Variants in CHRM2 observed in about 807,000 individuals in gnomAD.
CHRM2 encodes cholinergic receptor muscarinic 2.
CHRM2 carries 8 observed loss-of-function variants against 25.0 expected under a neutral mutation model. That is an observed-to-expected ratio of 0.32 (90% confidence interval 0.19 to 0.58). The LOEUF is 0.58. CHRM2 is among the 20% of genes least tolerant of loss of function. CHRM2 has a pLI of 0.88. For synonymous variants in CHRM2, 202 were observed against 205.7 expected, an observed-to-expected ratio of 0.98 and a Z score of 0.15; for missense variants, 440 against 567.1, an observed-to-expected ratio of 0.78 and a Z score of 2.28.
At chr7:137,007,882 TTCTC>T (rs888523788) in intron 3 of CHRM2, among the ~76,000 whole-genome samples, 1 of 152,142 alleles carries the variant, frequency 6.6e-6, no homozygotes, top group African/African-American at 2.4e-5. Context: ...CTCTCCACAA[TTCTC>T]TCTTTTTCTT....
intron 2 of CHRM2, among the ~76,000 whole-genome samples, chr7:136,959,536 G>A (rs1488051421): frequency 6.6e-6 from 1 of 152,248 alleles, no homozygotes; most frequent in Non-Finnish European, 1.5e-5. Context: ...GTGCTTGAAT[G>A]TGAAGACAGA....
intron 2 of CHRM2, among the ~76,000 whole-genome samples, chr7:136,934,787 A>G (rs1425315905): frequency 6.6e-6 from 1 of 151,992 alleles, no homozygotes; most frequent in Non-Finnish European, 1.5e-5. Context: ...ATAATAGAAG[A>G]GTTCTGTAAG....
At chr7:136,873,040 C>T (rs1795901188) in intron 2 of CHRM2, among the ~76,000 whole-genome samples, 1 of 152,190 alleles carries the variant, frequency 6.6e-6, no homozygotes, top group South Asian at 2.1e-4. Flanking sequence ...AATTGGTTTT[C>T]TTTATTTAAA....
In CHRM2 at chr7:137,020,047, T is replaced by C. The variant is rs1194962972; in HGVS notation, c.*3781T>C. On this transcript the variant is annotated 3_prime_UTR_variant, in exon 4 of 4. Coordinates refer to ENST00000680005, the MANE Select transcript of CHRM2 (RefSeq NM_001006630.2). ...CTGGATGAAATTGTGCAAAGTGTAT[T>C]CTCAGCATGTATATTCAATACCATG... 6.6e-6 allele frequency: 1 copy of C among 151,846 alleles called. No individual in the cohort carries two copies. The allele number at this position is 151,846 out of a possible 1,614,324, so 9.4% of individuals were successfully genotyped here.
chr7:136,947,866 C>A lies in CHRM2; in HGVS notation c.-124-44321C>A, dbSNP rs530145916. Among the ~76,000 whole-genome samples, 106 of 152,074 alleles carry A rather than the reference C, an allele frequency of 7.0e-4. 3 individuals are homozygous for A. Among genetic ancestry groups the A allele is most frequent in the Admixed American group, 6.9e-3 (106 of 15,254 alleles). ...TAGTTGGCAAGGATGGGTAACTAGG[C>A]CTTTCTGTCTTAATAGCCTCAATTC... On this transcript the variant is annotated intron_variant, in intron 2 of 3. Coordinates refer to ENST00000680005, the MANE Select transcript of CHRM2 (RefSeq NM_001006630.2).
intron 2 of CHRM2, among the ~76,000 whole-genome samples, chr7:136,884,445 T>C (rs562685432): frequency 6.6e-6 from 1 of 152,286 alleles, no homozygotes; most frequent in African/African-American, 2.4e-5. Context: ...TAACCATAAA[T>C]GTAATCAGCT....
intron 2 of CHRM2, among the ~76,000 whole-genome samples, chr7:136,969,710 A>T (rs768313319): frequency 3.9e-5 from 6 of 152,140 alleles, no homozygotes; most frequent in Admixed American, 2.0e-4. Context: ...CTCATTTTTC[A>T]TAGGTTAACA....
intron 2 of CHRM2, among the ~76,000 whole-genome samples, chr7:136,900,415 T>A (rs976030573): frequency 2.0e-5 from 3 of 152,082 alleles, no homozygotes; most frequent in African/African-American, 4.8e-5. Flanking sequence ...AGCAGGAGGC[T>A]GCGTTGAAAA....
intron 2 of CHRM2, chr7:136,870,426 T>C (rs1795776838): frequency 6.6e-6 from 1 of 152,440 alleles, no homozygotes; most frequent in Non-Finnish European, 1.5e-5. Context: ...TAGAGACTCA[T>C]CTGGGAGAGG....
intron 2 of CHRM2, among the ~76,000 whole-genome samples, chr7:136,947,137 T>C (rs1450601545): frequency 1.3e-5 from 2 of 152,200 alleles, no homozygotes. Context: ...TAAGGAAAGA[T>C]TTGGAAGGTC....
At chr7:136,884,597 T>C (rs556039946) in intron 2 of CHRM2, among the ~76,000 whole-genome samples, 6 of 152,034 alleles carry the variant, frequency 3.9e-5, no homozygotes, top group Admixed American at 6.6e-5. Context: ...ACACTGAGCA[T>C]TTCATAGTCC....
At chr7:136,951,661 G>A (rs184418535) in intron 2 of CHRM2, among the ~76,000 whole-genome samples, 97 of 152,206 alleles carry the variant, frequency 6.4e-4, no homozygotes, top group African/African-American at 2.3e-3. Flanking sequence ...TGGGATCTGG[G>A]ATAGAAGAAA....
chr7:136,905,567 C>T (rs1430014201), intron 2 of CHRM2, among the ~76,000 whole-genome samples: 2 of 151,752 alleles, frequency 1.3e-5, no homozygotes, highest in East Asian at 3.9e-4. Context: ...TGGCTGCTTC[C>T]TATTTCTTCT....
At chr7:136,894,474 C>A (rs1208355604) in intron 2 of CHRM2, among the ~76,000 whole-genome samples, 2 of 152,056 alleles carry the variant, frequency 1.3e-5, no homozygotes, top group Non-Finnish European at 2.9e-5. Flanking sequence ...CAGGTTCAAG[C>A]AATTCTCCTG....
At chr7:136,964,165 C>T (rs1801268407) in intron 2 of CHRM2, among the ~76,000 whole-genome samples, 1 of 151,876 alleles carries the variant, frequency 6.6e-6, no homozygotes, top group Non-Finnish European at 1.5e-5. Flanking sequence ...AGAAAATTTT[C>T]ATTAGAATAT....
chr7:137,009,199 T>C (rs1041476160), intron 3 of CHRM2, among the ~76,000 whole-genome samples: 2 of 152,122 alleles, frequency 1.3e-5, no homozygotes, highest in Non-Finnish European at 2.9e-5. Flanking sequence ...AAATTCCATT[T>C]GTTTTTTATA....
rs1805264303 is a variant in CHRM2, at chr7:137,017,914, C to T, written c.*1648C>T. ...GATTAGGATTATACGGATTCACATA[C>T]AACTAGTTATTTTTATCCTTTATAT... On this transcript the variant is annotated 3_prime_UTR_variant, in exon 4 of 4. Coordinates refer to ENST00000680005, the MANE Select transcript of CHRM2 (RefSeq NM_001006630.2). 1 of 151,902 alleles carries T rather than the reference C, an allele frequency of 6.6e-6. No homozygotes were observed. Among genetic ancestry groups the T allele is most frequent in the Admixed American group, 6.6e-5 (1 of 15,210 alleles). 9.4% of individuals were successfully genotyped at this position (151,902 alleles called of 1,614,324 possible). A position where few individuals can be genotyped will look rare whatever the true frequency, so the allele number is the denominator to read the frequency against.
At chr7:137,000,193 T>TC (rs1803894593) in intron 3 of CHRM2, among the ~76,000 whole-genome samples, 1 of 111,880 alleles carries the variant, frequency 8.9e-6, no homozygotes, top group East Asian at 2.8e-4. Flanking sequence ...TCTTTTTCTT[T>TC]CTTTTTTTTT....
At chr7:136,913,141 C>G (rs887152589) in intron 2 of CHRM2, among the ~76,000 whole-genome samples, 9 of 151,804 alleles carry the variant, frequency 5.9e-5, no homozygotes, top group African/African-American at 2.2e-4. Flanking sequence ...AACTGTATAA[C>G]AATTGAGTAT....
Sources: gnomAD v4.1 joint callset for allele counts (sites outside exome capture counted in the v4.1 genomes callset) on GRCh38, gnomAD v4.1.1 for gene constraint, MANE v1.5 for transcripts, NCBI Gene and HGNC (gene_info 2026-07-23, HGNC 2026-07-21) for gene names.